USP34: variants seen among roughly 807,000 people sequenced by gnomAD.
USP34 encodes the protein ubiquitin carboxyl-terminal hydrolase 34.
USP34 carries 70 observed loss-of-function variants against 460.3 expected under a neutral mutation model. The observed-to-expected ratio is 0.15, with a 90% CI of 0.13 to 0.19. USP34 has a LOEUF of 0.19. USP34 is among the 10% of genes least tolerant of loss of function. The probability of loss-of-function intolerance (pLI) is 1.00; values close to 1 mark genes in which losing one functional copy is unlikely to be tolerated. For synonymous variants in USP34, 1,647 were observed against 1,405.3 expected, an observed-to-expected ratio of 1.17 and a Z score of -3.85; for missense variants, 3,985 against 4,236.2, an observed-to-expected ratio of 0.94 and a Z score of 1.65.
At chr2:61,417,051 G>T in intron 2 of USP34, 3 of 1,313,018 alleles carry the variant, frequency 2.3e-6, no homozygotes, top group South Asian at 1.2e-5. Context: ...GGCAGCCGGG[G>T]AACTTGAACT....
At chr2:61,364,291 G>A (rs1232970893) in intron 10 of USP34, among the ~76,000 whole-genome samples, 14 of 152,200 alleles carry the variant, frequency 9.2e-5, no homozygotes, top group Non-Finnish European at 1.5e-5. Flanking sequence ...GAGCCCAGGA[G>A]TTTTGAGGCT....
At chr2:61,332,947 A>G (rs1691313908) in intron 19 of USP34, among the ~76,000 whole-genome samples, 2 of 152,078 alleles carry the variant, frequency 1.3e-5, no homozygotes, top group South Asian at 2.1e-4. Context: ...CAAGAACTAT[A>G]AAAGTGATAC....
At chr2:61,318,279 A>G (rs1458211460) in intron 22 of USP34, among the ~76,000 whole-genome samples, 1 of 152,190 alleles carries the variant, frequency 6.6e-6, no homozygotes. Context: ...ACAGGCTTCA[A>G]TTTTGAAGAT....
Position 61,232,805 on chromosome 2 carries a change from C to T in USP34, c.7033-273G>A, listed in dbSNP as rs148629719. On this transcript the variant is annotated intron_variant, in intron 57 of 79. Transcript: ENST00000398571. ...ATAATAAAATATCATTCTCTTAGCC[C>T]TCATAAATGTGACATAGAATCTTTA... is the stretch of plus-strand genomic sequence containing the variant. Among the ~76,000 whole-genome samples the T allele has an allele frequency of 4.0e-4, 60 of 151,036 alleles. No homozygotes were observed. The East Asian group carries it at 9.7e-3, about 24-fold the overall frequency.
intron 50 of USP34, 34 bp from the exon 51 acceptor site, chr2:61,245,322 CATATA>C (rs758256008): frequency 9.9e-5 from 125 of 1,258,114 alleles, no homozygotes; most frequent in Non-Finnish European, 1.2e-4. Context: ...ATCTAGTATG[CATATA>C]ATGAGTATCT....
intron 3 of USP34, among the ~76,000 whole-genome samples, chr2:61,403,762 C>T (rs376547327): frequency 2.6e-5 from 4 of 151,750 alleles, no homozygotes; most frequent in East Asian, 3.9e-4. Flanking sequence ...CAGAAGCGGG[C>T]GGATCACAAG....
At position 61,394,886 on chromosome 2, in the gene USP34, A is replaced by C; in HGVS notation, c.720T>G (p.Leu240=). The C allele has an allele frequency of 1.3e-6, 2 of 1,596,510 alleles. No homozygotes were observed. The change falls in exon 5 of 80, where the codon CTT becomes CTG. Residue 240 remains leucine (L), a synonymous_variant. Coordinates refer to ENST00000398571, the MANE Select transcript of USP34 (RefSeq NM_014709.4). ...CAACTGTAATAAACGCATGTGCTAT[A>C]AGAAATGGCAAAGTTTCAGGAGTTC... The part of the protein sequence containing the change: ...EYGTPETLPF[L]IAHAFITVVS...
Position 61,380,276 on chromosome 2 carries a change from G to C in USP34, c.907C>G (p.Pro303Ala). The C allele has an allele frequency of 6.2e-7, 1 of 1,614,054 alleles. No individual in the cohort carries two copies. The highest frequency in any genetic ancestry group is 1.3e-5 in the African/African-American group (1 of 75,036). ...ADLMWSTVKEPLDTTLCFDKE... is the reference protein window; with the variant it reads ...ADLMWSTVKEALDTTLCFDKE... ...TCAAAGCATAATGTTGTATCCAATG[G>C]TTCTTTGACTGTGCTCCACATTAAG... The change falls in exon 7 of 80, where the codon CCA becomes GCA. Residue 303 changes from proline to alanine, a missense_variant. This residue lies in a region of USP34 where 70 missense variants were observed against 109.5 expected (regional missense o/e 0.64). Coordinates refer to ENST00000398571, the MANE Select transcript of USP34 (RefSeq NM_014709.4).
intron 10 of USP34, among the ~76,000 whole-genome samples, chr2:61,366,173 G>A (rs1231101990): frequency 1.3e-5 from 2 of 152,164 alleles, no homozygotes; most frequent in African/African-American, 4.8e-5. Flanking sequence ...ATCCGCCCAC[G>A]TTGGCCTCCC....
chr2:61,455,562 T>C (rs2104081184), intron 1 of USP34, among the ~76,000 whole-genome samples: 1 of 152,194 alleles, frequency 6.6e-6, no homozygotes, highest in South Asian at 2.1e-4. Flanking sequence ...CATTTGAGCC[T>C]GGAAGTTCAA....
intron 1 of USP34, among the ~76,000 whole-genome samples, chr2:61,445,006 A>G (rs899856857): frequency 6.6e-6 from 1 of 151,932 alleles, no homozygotes; most frequent in African/African-American, 2.4e-5. Flanking sequence ...TTCTCTGTAT[A>G]AACAATGGAA....
chr2:61,221,708 G>A (rs551673123), intron 65 of USP34, 102 bp from the exon 66 acceptor site: 1 of 1,070,976 alleles, frequency 9.3e-7, no homozygotes, highest in South Asian at 2.0e-5. Context: ...TTAAATCTGT[G>A]TTAGGGAAGG....
chr2:61,201,572 T>A (rs113172727), intron 75 of USP34, among the ~76,000 whole-genome samples: 2 of 152,152 alleles, frequency 1.3e-5, no homozygotes, highest in African/African-American at 4.8e-5. Context: ...TGAGGCAACA[T>A]TGATAGTGCT....
chr2:61,380,053 C>A (rs1201292422), intron 7 of USP34, 116 bp downstream of exon 7: 4 of 779,456 alleles, frequency 5.1e-6, no homozygotes, highest in Non-Finnish European at 7.7e-6. Context: ...TAAAGTAATC[C>A]ACATAAAATA....
chr2:61,253,326 C>T (rs1217953288), intron 48 of USP34, among the ~76,000 whole-genome samples: 5 of 152,200 alleles, frequency 3.3e-5, no homozygotes, highest in Non-Finnish European at 7.4e-5. Context: ...CTCCAAAGAA[C>T]TTGACTCAGA....
At chr2:61,321,723 G>A (rs988818932) in intron 21 of USP34, among the ~76,000 whole-genome samples, 12 of 152,014 alleles carry the variant, frequency 7.9e-5, no homozygotes, top group African/African-American at 2.7e-4. Context: ...CACAACTTAC[G>A]AAGTATTCTC....
intron 67 of USP34, among the ~76,000 whole-genome samples, chr2:61,218,045 T>C (rs1687452199): frequency 6.6e-6 from 1 of 152,020 alleles, no homozygotes; most frequent in African/African-American, 2.4e-5. Flanking sequence ...TTAAACTGCC[T>C]TTCATAAGAA....
chr2:61,423,788 T>C (rs1231336486), intron 1 of USP34, among the ~76,000 whole-genome samples: 2 of 152,062 alleles, frequency 1.3e-5, no homozygotes, highest in Non-Finnish European at 2.9e-5. Context: ...TAAAAATATG[T>C]ATATTTTTAA....
chr2:61,300,094 A>T (rs539394912), intron 29 of USP34, among the ~76,000 whole-genome samples: 7 of 152,196 alleles, frequency 4.6e-5, no homozygotes, highest in Admixed American at 1.3e-4. Flanking sequence ...CTGGACTCGT[A>T]TATCAAATGC....
Sources: allele counts gnomAD v4.1 joint callset (sites outside exome capture counted in the v4.1 genomes callset), GRCh38; gene constraint gnomAD v4.1.1; regional missense constraint gnomAD v4.1.1; transcripts MANE v1.5; gene names NCBI Gene and HGNC (gene_info 2026-07-23, HGNC 2026-07-21).